The following ABLIM3 variants were observed in gnomAD, a reference collection of about 807,000 sequenced individuals.
ABLIM3 encodes actin-binding LIM protein 3.
A neutral mutation model predicts 109.5 loss-of-function variants in ABLIM3; 61 were observed. The ratio of observed to expected loss-of-function variants is 0.56; its 90% CI spans 0.45 to 0.69. The LOEUF (loss-of-function observed/expected upper bound fraction) is 0.69. Ranked by LOEUF, ABLIM3 falls within the 30% of genes least tolerant of loss-of-function variation. The pLI is 0.00. For synonymous variants in ABLIM3, 300 were observed against 324.8 expected, an observed-to-expected ratio of 0.92 and a Z score of 0.82; for missense variants, 796 against 889.5, an observed-to-expected ratio of 0.89 and a Z score of 1.34.
chr5:149,179,105 C>T (rs1756235941), intron 2 of ABLIM3, among the ~76,000 whole-genome samples: 1 of 152,148 alleles, frequency 6.6e-6, no homozygotes, highest in African/African-American at 2.4e-5. Context: ...TCGGTCACAC[C>T]TCCCCTTCCA....
At chr5:149,211,093 G>C (rs192313841) in intron 7 of ABLIM3, among the ~76,000 whole-genome samples, 9 of 152,150 alleles carry the variant, frequency 5.9e-5, no homozygotes, top group African/African-American at 2.2e-4. Context: ...GATTTCTAAA[G>C]AGTGACATTA....
At chr5:149,252,234 G>C (rs377431976) in intron 22 of ABLIM3, 26 bp downstream of exon 22, 1 of 1,611,084 alleles carries the variant, frequency 6.2e-7, no homozygotes, top group Non-Finnish European at 8.5e-7. Context: ...AGACCCTGGG[G>C]GTCTCCAGGA....
At chr5:149,179,326 T>A (rs1429337694) in intron 2 of ABLIM3, among the ~76,000 whole-genome samples, 1 of 151,154 alleles carries the variant, frequency 6.6e-6, no homozygotes, top group African/African-American at 2.4e-5. Flanking sequence ...TTGTTTGTTT[T>A]GTCTTAAAAA....
chr5:149,206,875 A>G lies in ABLIM3; in HGVS notation c.449-133A>G, dbSNP rs556191254. 4 of 1,108,186 alleles carry G rather than the reference A, an allele frequency of 3.6e-6. 1 individual carries two copies. The South Asian group carries it at 6.9e-5, about 19-fold the overall frequency. The allele number at this position is 1,108,186 out of a possible 1,614,324, so 68.6% of individuals were successfully genotyped here. ...CTCTCCCCTGGGAGAGCCTCTGGGA[A>G]GCTTCCAGTGTCAGGTGGGAGCAAC... On this transcript the variant is annotated intron_variant, in intron 5 of 23. Transcript: ENST00000309868.
At chr5:149,222,661 C>CTTTTTTTTTTTTTT (rs552243427) in intron 8 of ABLIM3, among the ~76,000 whole-genome samples, 1 of 124,406 alleles carries the variant, frequency 8.0e-6, no homozygotes, top group Non-Finnish European at 1.7e-5. Flanking sequence ...TTTCAGATTA[C>CTTTTTTTTTTTTTT]TTTTTTTTTT....
chr5:149,161,214 C>G (rs953594466), intron 2 of ABLIM3, among the ~76,000 whole-genome samples: 6 of 152,230 alleles, frequency 3.9e-5, no homozygotes, highest in Non-Finnish European at 5.9e-5. Flanking sequence ...AAAGTGTTTG[C>G]TGACCTGGAT....
intron 17 of ABLIM3, 185 bp from the exon 18 acceptor site, chr5:149,247,597 T>C (rs748754735): frequency 1.8e-5 from 15 of 834,568 alleles, no homozygotes; most frequent in African/African-American, 8.4e-5. Context: ...ACAGGACAAC[T>C]TGTGGAAGAC....
chr5:149,178,330 C>T (rs1000416236), intron 2 of ABLIM3, among the ~76,000 whole-genome samples: 2 of 151,980 alleles, frequency 1.3e-5, no homozygotes, highest in East Asian at 3.9e-4. Flanking sequence ...GCGGCTGCAC[C>T]CTGCATGGTT....
chr5:149,236,185 A>G (rs543973396), intron 10 of ABLIM3, among the ~76,000 whole-genome samples: 4 of 152,224 alleles, frequency 2.6e-5, no homozygotes, highest in Non-Finnish European at 5.9e-5. Context: ...GGAAGGGTGG[A>G]CACTGGGTCT....
At chr5:149,169,779 G>A (rs1755200323) in intron 2 of ABLIM3, among the ~76,000 whole-genome samples, 1 of 152,142 alleles carries the variant, frequency 6.6e-6, no homozygotes, top group Non-Finnish European at 1.5e-5. Flanking sequence ...ATGTTCACCT[G>A]GTTCACCATT....
chr5:149,192,131 G>C (rs945809586), intron 3 of ABLIM3, among the ~76,000 whole-genome samples: 5 of 152,068 alleles, frequency 3.3e-5, no homozygotes, highest in South Asian at 2.1e-4. Flanking sequence ...GGTGCTCACT[G>C]TCATGACTTC....
chr5:149,258,168 G>A (rs2127580281), intron 23 of ABLIM3, 123 bp from the exon 24 acceptor site: 1 of 716,698 alleles, frequency 1.4e-6, no homozygotes, highest in Non-Finnish European at 2.3e-6. Context: ...CACCATGCAA[G>A]GCACAGGGTG....
At chr5:149,156,862 T>C (rs1365948556) in intron 2 of ABLIM3, among the ~76,000 whole-genome samples, 3 of 152,182 alleles carry the variant, frequency 2.0e-5, no homozygotes, top group Non-Finnish European at 4.4e-5. Flanking sequence ...CCAATCGAAA[T>C]GTATTTAGAA....
At chr5:149,158,962 CTGATACAGTTTTATAAAAAT>C (rs1280349735) in intron 2 of ABLIM3, among the ~76,000 whole-genome samples, 1 of 152,142 alleles carries the variant, frequency 6.6e-6, no homozygotes, top group East Asian at 1.9e-4. Context: ...CTATGGAAAA[CTGATACAGTTTTATAAAAAT>C]TCAACATACA....
intron 18 of ABLIM3, among the ~76,000 whole-genome samples, chr5:149,248,233 G>A (rs1753576888): frequency 2.0e-5 from 3 of 152,198 alleles, no homozygotes; most frequent in Admixed American, 2.0e-4. Context: ...ACAAAGGTTA[G>A]CCCCAAACCC....
At chr5:149,160,536 T>C (rs1754261197) in intron 2 of ABLIM3, among the ~76,000 whole-genome samples, 1 of 152,154 alleles carries the variant, frequency 6.6e-6, no homozygotes, top group Non-Finnish European at 1.5e-5. Context: ...ACATGAACTT[T>C]GGTTTATAAA....
In ABLIM3 at chr5:149,259,070, G is replaced by A. The variant is rs1754691712; in HGVS notation, c.*666G>A. 1.4e-5 allele frequency: 14 copies of A among 1,006,278 alleles called. 1 individual carries two copies. The highest frequency in any genetic ancestry group is 1.0e-3 in the Middle Eastern group (2 of 1,990). 62.3% of individuals were successfully genotyped at this position (1,006,278 alleles called of 1,614,324 possible). A position where few individuals can be genotyped will look rare whatever the true frequency, so the allele number is the denominator to read the frequency against. On this transcript the variant is annotated 3_prime_UTR_variant, in exon 24 of 24. Coordinates refer to ENST00000309868, the MANE Select transcript of ABLIM3 (RefSeq NM_014945.5). ...TCCCTTGTCCAAATCTAGGATTCCT[G>A]GTAGGAAAAGGAAAAGGCCCTTCCC...
At chr5:149,203,465 CCAT>C (rs1758674952) in intron 5 of ABLIM3, among the ~76,000 whole-genome samples, 3 of 152,052 alleles carry the variant, frequency 2.0e-5, no homozygotes, top group Admixed American at 2.0e-4. Context: ...ACCATCGTCA[CCAT>C]CATCATGACC....
At chr5:149,141,766 A>C in intron 1 of ABLIM3, 112 bp downstream of exon 1, 5 of 372,598 alleles carry the variant, frequency 1.3e-5, no homozygotes, top group Non-Finnish European at 2.0e-5. Context: ...CTGGGCAGGA[A>C]TAGTCCGGGG....
Sources: allele counts gnomAD v4.1 joint callset (sites outside exome capture counted in the v4.1 genomes callset), GRCh38; gene constraint gnomAD v4.1.1; transcripts MANE v1.5; gene names NCBI Gene and HGNC (gene_info 2026-07-23, HGNC 2026-07-21).